Variants in ANGPTL2 observed in about 807,000 individuals in gnomAD.
The protein encoded by ANGPTL2 is angiopoietin-related protein 2.
ANGPTL2 carries 25 observed loss-of-function variants against 52.8 expected under a neutral mutation model. The ratio of observed to expected loss-of-function variants is 0.47; its 90% confidence interval spans 0.35 to 0.66. The LOEUF is 0.66. ANGPTL2 is among the 30% of genes least tolerant of loss of function. ANGPTL2 has a pLI of 0.01. For synonymous variants in ANGPTL2, 276 were observed against 277.4 expected (o/e 1.00, Z 0.05); for missense variants, 546 against 656.9 (o/e 0.83, Z 1.84).
chr9:127,098,033 T>C lies in ANGPTL2; in HGVS notation c.818-4107A>G, dbSNP rs189154822. ...ATCCCTTTCTGTTTCCTTTGATAGA[T>C]GAAAGCTGACATTTTTGAAGTTGTT... On this transcript the variant is annotated intron_variant, in intron 2 of 4. Transcript: ENST00000373425. Among the ~76,000 whole-genome samples the C allele has an allele frequency of 7.2e-5, 11 of 152,356 alleles. No homozygotes were observed. In the East Asian group the frequency reaches 2.1e-3, roughly 29 times the overall value.
intron 2 of ANGPTL2, among the ~76,000 whole-genome samples, chr9:127,095,942 C>T (rs138133787): frequency 2.6e-5 from 4 of 152,236 alleles, no homozygotes; most frequent in South Asian, 4.2e-4. Flanking sequence ...AGTATTGCCC[C>T]GATAAGAAAG....
intron 3 of ANGPTL2, among the ~76,000 whole-genome samples, chr9:127,093,041 C>G (rs1293862196): frequency 6.6e-6 from 1 of 152,164 alleles, no homozygotes; most frequent in Admixed American, 6.5e-5. Context: ...GAACCTCCCT[C>G]AGGAGGTTGA....
chr9:127,100,631 G>A (rs545516860), intron 2 of ANGPTL2, among the ~76,000 whole-genome samples: 60 of 152,304 alleles, frequency 3.9e-4, no homozygotes, highest in Admixed American at 8.5e-4. Flanking sequence ...ATGTAGAGGT[G>A]GGCAGTGCCC....
chr9:127,114,202 A>G (rs1252431098), intron 1 of ANGPTL2, among the ~76,000 whole-genome samples: 2 of 152,182 alleles, frequency 1.3e-5, no homozygotes, highest in Non-Finnish European at 2.9e-5. Context: ...CACAACTCAC[A>G]TTCATAGTCT....
intron 4 of ANGPTL2, among the ~76,000 whole-genome samples, chr9:127,090,443 G>A (rs565093360): frequency 4.3e-4 from 65 of 152,198 alleles, no homozygotes; most frequent in Non-Finnish European, 7.2e-4. Flanking sequence ...GGGCCCCTTC[G>A]GGCCAGGCCA....
rs2051994349 is a variant in ANGPTL2, at chr9:127,088,141, G to C, written c.*798C>G. The C allele has an allele frequency of 6.6e-6, 1 of 152,498 alleles. No individual in the cohort carries two copies. The highest frequency in any genetic ancestry group is 6.5e-5 in the Admixed American group (1 of 15,280). The allele number at this position is 152,498 out of a possible 1,614,324, so 9.4% of individuals were successfully genotyped here. ...GAAAGGGGGCCTTGAACTGCAGTGA[G>C]TGGCCAGGGACTGACACACAGAAGG... On this transcript the variant is annotated 3_prime_UTR_variant, in exon 5 of 5. Transcript: ENST00000373425.
At chr9:127,118,727 C>T (rs909570031) in intron 1 of ANGPTL2, among the ~76,000 whole-genome samples, 3 of 152,242 alleles carry the variant, frequency 2.0e-5, no homozygotes, top group Non-Finnish European at 4.4e-5. Context: ...CCCAGTCCTG[C>T]TGGGCTGTGG....
At position 127,091,574 on chromosome 9, in the gene ANGPTL2, G is replaced by A. The variant is rs2052478362; in HGVS notation, c.1282+96C>T. ...CTTGGCCCAGCTGCTTCTCACCCTG[G>A]GATCTTCCCGTTTCCAAGCCCTGGA... On this transcript the variant is annotated intron_variant, in intron 4 of 4. Coordinates refer to ENST00000373425, the MANE Select transcript of ANGPTL2 (RefSeq NM_012098.3). The surrounding 1 kb of genome is among the most constrained non-coding windows in gnomAD (Gnocchi z 4.3). 2 of 1,500,804 alleles carry A rather than the reference G, an allele frequency of 1.3e-6. No individual in the cohort carries two copies. Among genetic ancestry groups the A allele is most frequent in the Admixed American group, 2.0e-5 (1 of 50,786 alleles). 93.0% of individuals were successfully genotyped at this position (1,500,804 alleles called of 1,614,324 possible). A position where few individuals can be genotyped will look rare whatever the true frequency, so the allele number is the denominator to read the frequency against.
chr9:127,093,286 C>T (rs2052698975), intron 3 of ANGPTL2, among the ~76,000 whole-genome samples: 1 of 152,194 alleles, frequency 6.6e-6, no homozygotes, highest in African/African-American at 2.4e-5. Context: ...AGCATTGCCA[C>T]AACTCCCTAC....
chr9:127,113,679 T>C (rs895080332), intron 1 of ANGPTL2, among the ~76,000 whole-genome samples: 2 of 152,254 alleles, frequency 1.3e-5, no homozygotes, highest in Non-Finnish European at 2.9e-5. Flanking sequence ...CACATTGTAT[T>C]GTGAGGAGTT....
Position 127,091,825 on chromosome 9 carries a change from T to C in ANGPTL2, c.1127A>G (p.Lys376Arg), listed in dbSNP as rs1351111015. 6.2e-7 allele frequency: 1 copy of C among 1,614,158 alleles called. No individual in the cohort carries two copies. The highest frequency in any genetic ancestry group is 8.5e-7 in the Non-Finnish European group (1 of 1,180,020). Residue 376 changes from lysine to arginine, a missense_variant, in exon 4 of 5, where the codon AAA becomes AGA. This residue lies in a region of ANGPTL2 where 261 missense variants were observed against 361.0 expected (regional missense o/e 0.72). Transcript: ENST00000373425. This position sits in a 1 kb window ranked among gnomAD's most constrained non-coding sequence, Gnocchi z 4.3. The stretch of plus-strand genomic sequence containing the variant: ...GAAACTGGCGTATTCTGCAAAGACT[T>C]TGCGGCCGGACCAGTCCTCCATGGT... ...LVTMEDWSGR[K>R]VFAEYASFRL... is the part of the protein sequence containing the mutation.
At chr9:127,092,453 G>GT (rs147518760) in intron 3 of ANGPTL2, among the ~76,000 whole-genome samples, 3,490 of 150,754 alleles carry the variant, frequency 0.023, 133 homozygotes, top group African/African-American at 0.079. Context: ...TGTGGTTATT[G>GT]TTTTTTTTTG....
In ANGPTL2 at chr9:127,108,246, G is replaced by A; in HGVS notation, c.486C>T (p.Ile162=). ...ALELSQLENR[I]LNQTADMLQL... ...GCAGCATGTCGGCTGTCTGGTTCAG[G>A]ATCCTGTTCTCCAGCTGGGAGAGCT... The change falls in exon 2 of 5, where the codon ATC becomes ATT. Residue 162 remains isoleucine (I), a synonymous_variant. Transcript: ENST00000373425. 1.2e-6 allele frequency: 2 copies of A among 1,614,060 alleles called. No homozygotes were observed. The highest frequency in any genetic ancestry group is 1.7e-6 in the Non-Finnish European group (2 of 1,180,014).
intron 1 of ANGPTL2, among the ~76,000 whole-genome samples, chr9:127,109,730 G>C (rs1589531175): frequency 1.3e-5 from 2 of 152,352 alleles, no homozygotes; most frequent in African/African-American, 4.8e-5. Flanking sequence ...ACAGGATGGA[G>C]CCAGTCCCTG....
chr9:127,098,696 A>T lies in ANGPTL2; in HGVS notation c.818-4770T>A, dbSNP rs568689404. 3.3e-5 allele frequency among the ~76,000 whole-genome samples: 5 copies of T among 152,184 alleles called. No individual in the cohort carries two copies. The South Asian group carries it at 1.0e-3, about 32-fold the overall frequency. On this transcript the variant is annotated intron_variant, in intron 2 of 4. Transcript: ENST00000373425. ...CTCCTCTCTGGGGTTCTTGACAGGG[A>T]TTAGGCACACAAGGACCATGGCCTC...
rs1302558654 is a variant in ANGPTL2, at chr9:127,122,592, G to A, written c.-327C>T. The A allele has an allele frequency of 6.5e-6, 1 of 153,026 alleles. No individual in the cohort carries two copies. Among genetic ancestry groups the A allele is most frequent in the African/African-American group, 2.4e-5 (1 of 41,454 alleles). The allele number at this position is 153,026 out of a possible 1,614,324, so 9.5% of individuals were successfully genotyped here. A position where few individuals can be genotyped will look rare whatever the true frequency, so the allele number is the denominator to read the frequency against. ...CTCAGTGCCACGCTCGGCAGGTCCA[G>A]GGCTTGGGGTCCATCCTCAGGCCGT... On this transcript the variant is annotated 5_prime_UTR_variant, in exon 1 of 5. Coordinates refer to ENST00000373425, the MANE Select transcript of ANGPTL2 (RefSeq NM_012098.3). This position sits in a 1 kb window ranked among gnomAD's most constrained non-coding sequence, Gnocchi z 6.4.
At chr9:127,121,392 G>A (rs1354360396) in intron 1 of ANGPTL2, among the ~76,000 whole-genome samples, 1 of 152,200 alleles carries the variant, frequency 6.6e-6, no homozygotes, top group East Asian at 1.9e-4. Context: ...ATACATGTGG[G>A]GAGCATTTGG....
intron 2 of ANGPTL2, among the ~76,000 whole-genome samples, chr9:127,095,995 C>CATCT (rs1371777697): frequency 3.9e-5 from 6 of 152,218 alleles, no homozygotes; most frequent in African/African-American, 1.4e-4. Flanking sequence ...CTTCTCCCTT[C>CATCT]ATCTTCTGGG....
intron 1 of ANGPTL2, among the ~76,000 whole-genome samples, chr9:127,116,786 C>T (rs183441635): frequency 7.9e-5 from 12 of 152,334 alleles, no homozygotes; most frequent in Admixed American, 2.6e-4. Context: ...TCACTGATCC[C>T]GGTAGCTCTT....
Sources: allele counts gnomAD v4.1 joint callset (sites outside exome capture counted in the v4.1 genomes callset), GRCh38; gene constraint gnomAD v4.1.1; regional missense constraint gnomAD v4.1.1; non-coding constraint Gnocchi (gnomAD v3.1); transcripts MANE v1.5; gene names NCBI Gene and HGNC (gene_info 2026-07-23, HGNC 2026-07-21).